The following FMN1 variants were observed in gnomAD, a reference collection of about 807,000 sequenced individuals.
FMN1 encodes the protein formin-1.
FMN1 carries 110 observed loss-of-function variants against 132.4 expected under a neutral mutation model. That is an observed-to-expected ratio of 0.83 (90% CI 0.71 to 0.97). The LOEUF (loss-of-function observed/expected upper bound fraction) is 0.97. Ranked by LOEUF, FMN1 falls within the 50% of genes least tolerant of loss-of-function variation. FMN1 has a pLI of 0.00. For missense variants in FMN1, 1,792 were observed against 1,705.3 expected, an observed-to-expected ratio of 1.05 and a Z score of -0.90; for synonymous variants, 722 against 651.7, an observed-to-expected ratio of 1.11 and a Z score of -1.64.
At chr15:33,071,510 T>G (rs1480384917) in intron 5 of FMN1, among the ~76,000 whole-genome samples, 1 of 152,208 alleles carries the variant, frequency 6.6e-6, no homozygotes, top group Non-Finnish European at 1.5e-5. Context: ...TCCACCTCCA[T>G]GAAATGTGTA....
chr15:33,168,146 A>G (rs1340956586), intron 3 of FMN1, among the ~76,000 whole-genome samples: 1 of 152,222 alleles, frequency 6.6e-6, no homozygotes, highest in Non-Finnish European at 1.5e-5. Context: ...GAAGTCACAG[A>G]GTTATTCAGT....
At chr15:33,080,056 G>C (rs1000358382) in intron 5 of FMN1, among the ~76,000 whole-genome samples, 1 of 151,632 alleles carries the variant, frequency 6.6e-6, no homozygotes, top group Non-Finnish European at 1.5e-5. Flanking sequence ...CCTCCATCAG[G>C]AAACAAGCTA....
intron 4 of FMN1, among the ~76,000 whole-genome samples, chr15:33,116,427 GT>G (rs1348990778): frequency 6.6e-6 from 1 of 152,174 alleles, no homozygotes; most frequent in Non-Finnish European, 1.5e-5. Context: ...CAATCCAGCT[GT>G]TTCTATGCCT....
chr15:33,032,067 G>A (rs942992850), intron 6 of FMN1, among the ~76,000 whole-genome samples: 3 of 152,136 alleles, frequency 2.0e-5, no homozygotes, highest in East Asian at 3.8e-4. Flanking sequence ...AACAGTTATC[G>A]TATGTGTTCT....
chr15:33,129,994 C>T (rs1415999289), intron 4 of FMN1, among the ~76,000 whole-genome samples: 1 of 152,038 alleles, frequency 6.6e-6, no homozygotes, highest in African/African-American at 2.4e-5. Context: ...GGGGTTTCAC[C>T]ATGTTGGCCA....
At chr15:33,125,149 T>C (rs1276811533) in intron 4 of FMN1, among the ~76,000 whole-genome samples, 2 of 152,212 alleles carry the variant, frequency 1.3e-5, no homozygotes, top group Non-Finnish European at 2.9e-5. Context: ...TGCGGTAGAA[T>C]GCAGAGTTTG....
chr15:33,022,052 T>C (rs533386851), intron 6 of FMN1, among the ~76,000 whole-genome samples: 12 of 152,348 alleles, frequency 7.9e-5, no homozygotes, highest in African/African-American at 2.9e-4. Context: ...CTGAGGATAC[T>C]AAAATCCGTG....
intron 3 of FMN1, among the ~76,000 whole-genome samples, chr15:33,168,062 G>A (rs1299894320): frequency 6.6e-6 from 1 of 152,208 alleles, no homozygotes; most frequent in Non-Finnish European, 1.5e-5. Context: ...ATAGTCCTAT[G>A]AGTGGGTACT....
chr15:32,836,256 T>C (rs758669946), intron 17 of FMN1, among the ~76,000 whole-genome samples: 1 of 152,118 alleles, frequency 6.6e-6, no homozygotes, highest in Non-Finnish European at 1.5e-5. Context: ...CCCAAACTCA[T>C]TCAAATTCAC....
At chr15:32,993,433 T>C (rs1363835952) in intron 7 of FMN1, among the ~76,000 whole-genome samples, 1 of 151,790 alleles carries the variant, frequency 6.6e-6, no homozygotes, top group Non-Finnish European at 1.5e-5. Flanking sequence ...AACTGTGTTA[T>C]ACAGACACCT....
chr15:33,068,793 C>T (rs2037868594), intron 5 of FMN1, among the ~76,000 whole-genome samples: 1 of 152,166 alleles, frequency 6.6e-6, no homozygotes, highest in Non-Finnish European at 1.5e-5. Context: ...ATTAGGCAAG[C>T]ACACCCACCA....
intron 2 of FMN1, among the ~76,000 whole-genome samples, chr15:33,189,883 A>G (rs547160485): frequency 2.0e-5 from 3 of 152,348 alleles, no homozygotes; most frequent in African/African-American, 7.2e-5. Flanking sequence ...CATTTTTCTC[A>G]GAATAGAGCA....
intron 6 of FMN1, among the ~76,000 whole-genome samples, chr15:33,026,409 T>TACACACACACACACACAC (rs532485925): frequency 1.5e-3 from 32 of 21,382 alleles, no homozygotes; most frequent in Non-Finnish European, 3.6e-3. Flanking sequence ...CGTCCAAATT[T>TACACACACACACACACAC]TCACACACAC....
intron 4 of FMN1, among the ~76,000 whole-genome samples, chr15:33,149,290 T>C (rs1382168307): frequency 6.6e-6 from 1 of 152,202 alleles, no homozygotes; most frequent in Non-Finnish European, 1.5e-5. Context: ...GGGGTGATAG[T>C]TGTTTTACAA....
chr15:32,987,472 C>T (rs1193594250), intron 7 of FMN1, among the ~76,000 whole-genome samples: 1 of 152,158 alleles, frequency 6.6e-6, no homozygotes, highest in Non-Finnish European at 1.5e-5. Flanking sequence ...TTTCCCCCGA[C>T]TGCACATCAG....
intron 5 of FMN1, among the ~76,000 whole-genome samples, chr15:33,068,806 C>A (rs1402820228): frequency 1.3e-5 from 2 of 152,180 alleles, no homozygotes; most frequent in African/African-American, 4.8e-5. Context: ...ACCCACCACA[C>A]CCAGTGTCCA....
At chr15:32,949,417 A>T (rs1419605568) in intron 9 of FMN1, among the ~76,000 whole-genome samples, 1 of 152,098 alleles carries the variant, frequency 6.6e-6, no homozygotes, top group Admixed American at 6.5e-5. Context: ...CAACTATCTG[A>T]CCTTTGACAA....
intron 6 of FMN1, among the ~76,000 whole-genome samples, chr15:33,019,745 G>A (rs558796053): frequency 2.0e-4 from 30 of 152,340 alleles, no homozygotes; most frequent in African/African-American, 7.0e-4. Flanking sequence ...CACTGCCCGC[G>A]GCAGGGCCGG....
chr15:32,879,312 G>A (rs1251070620), intron 16 of FMN1, among the ~76,000 whole-genome samples: 1 of 152,200 alleles, frequency 6.6e-6, no homozygotes. Flanking sequence ...TCAGGACTCT[G>A]GCTAATGTAT....
Sources: allele counts gnomAD v4.1 joint callset (sites outside exome capture counted in the v4.1 genomes callset), GRCh38; gene constraint gnomAD v4.1.1; transcripts MANE v1.5; gene names NCBI Gene and HGNC (gene_info 2026-07-23, HGNC 2026-07-21).